PRDM11: variants seen among roughly 807,000 people sequenced by gnomAD.
The protein encoded by PRDM11 is PR domain-containing protein 11.
In PRDM11, 20 loss-of-function variants were observed where a neutral mutation model predicts 97.8. That is an observed-to-expected ratio of 0.20 (90% CI 0.14 to 0.30). PRDM11 has a LOEUF of 0.30. Ranked by LOEUF, PRDM11 falls within the 10% of genes least tolerant of loss-of-function variation. The pLI is 1.00. For synonymous variants in PRDM11, 599 were observed against 637.7 expected (o/e 0.94, Z 0.91); for missense variants, 1,139 against 1,555.2 (o/e 0.73, Z 4.50).
At chr11:45,217,852 C>T (rs892637108) in intron 5 of PRDM11, among the ~76,000 whole-genome samples, 2 of 152,132 alleles carry the variant, frequency 1.3e-5, no homozygotes, top group Non-Finnish European at 2.9e-5. Context: ...GAGTGAGGTG[C>T]GTGACAGTAA....
At chr11:45,209,986 C>T (rs765689480) in intron 5 of PRDM11, among the ~76,000 whole-genome samples, 1 of 152,034 alleles carries the variant, frequency 6.6e-6, no homozygotes, top group Non-Finnish European at 1.5e-5. Context: ...ACAGCATGTA[C>T]GAGGCCCCGC....
rs1022680871 is a variant in PRDM11 at position 45,227,102 on chromosome 11, G to A, written c.2477G>A (p.Arg826Gln). 21 of 1,533,820 alleles carry A rather than the reference G, an allele frequency of 1.4e-5. No homozygotes were observed. Among genetic ancestry groups the A allele is most frequent in the Admixed American group, 2.0e-5 (1 of 50,974 alleles). The change falls in exon 8 of 8, where the codon CGG becomes CAG. Residue 826 changes from arginine (R) to glutamine (Q), a missense_variant. This residue lies in a region of PRDM11 where 710 missense variants were observed against 1,044.9 expected (regional missense o/e 0.68). Coordinates refer to ENST00000683152, the MANE Select transcript of PRDM11 (RefSeq NM_001384648.1). This position sits in a 1 kb window ranked among gnomAD's most constrained non-coding sequence, Gnocchi z 8.0. ...TTCCTGGGCGATATCCGGGCAGTGC[G>A]GTGGATCATCGGCGAGCAGAACGTC... ...TEFLGDIRAV[R>Q]WIIGEQNVLN...
chr11:45,171,547 G>C (rs1296884396), intron 1 of PRDM11, among the ~76,000 whole-genome samples: 1 of 152,212 alleles, frequency 6.6e-6, no homozygotes, highest in Non-Finnish European at 1.5e-5. Flanking sequence ...GGTGGCTGGT[G>C]ATGAGATGCT....
intron 4 of PRDM11, among the ~76,000 whole-genome samples, chr11:45,188,638 T>C (rs1207521955): frequency 6.6e-6 from 1 of 152,162 alleles, no homozygotes; most frequent in African/African-American, 2.4e-5. Flanking sequence ...ACTCCACAAC[T>C]CTCCTTCGTG....
chr11:45,138,074 C>T (rs1852910778), intron 1 of PRDM11, among the ~76,000 whole-genome samples: 1 of 152,216 alleles, frequency 6.6e-6, no homozygotes, highest in Admixed American at 6.5e-5. Context: ...ATCCCAACCA[C>T]CTGGGTGTAC....
chr11:45,149,070 CAAATG>C (rs1422697769), intron 1 of PRDM11, among the ~76,000 whole-genome samples: 1 of 152,154 alleles, frequency 6.6e-6, no homozygotes. Context: ...TTTATCCTCT[CAAATG>C]AACCCATCCA....
chr11:45,097,917 G>A (rs190947551), intron 1 of PRDM11, among the ~76,000 whole-genome samples: 2 of 152,358 alleles, frequency 1.3e-5, no homozygotes, highest in East Asian at 3.9e-4. Context: ...GAGCTGCACA[G>A]GCACCGTCAC....
chr11:45,200,604 T>C (rs1853293545), intron 4 of PRDM11, among the ~76,000 whole-genome samples: 1 of 152,206 alleles, frequency 6.6e-6, no homozygotes. Context: ...GTGCTCCTAC[T>C]ACTGGCTGTA....
chr11:45,137,300 G>C (rs560529942), intron 1 of PRDM11, among the ~76,000 whole-genome samples: 1 of 151,614 alleles, frequency 6.6e-6, no homozygotes, highest in Non-Finnish European at 1.5e-5. Flanking sequence ...AGGCTTGGTG[G>C]CACACGCCTG....
rs1257310031 is a variant in PRDM11, at chr11:45,234,603, C to T, written c.*6444C>T. ...GGATGGGCATCCCCAGGTAGCAATC[C>T]CACAATGCACTGTACCTCAGAGAGA... On this transcript the variant is annotated 3_prime_UTR_variant, in exon 8 of 8. Coordinates refer to ENST00000683152, the MANE Select transcript of PRDM11 (RefSeq NM_001384648.1). 6.6e-6 allele frequency: 1 copy of T among 152,268 alleles called. No homozygotes were observed. The highest frequency in any genetic ancestry group is 1.5e-5 in the Non-Finnish European group (1 of 68,160). 9.4% of individuals were successfully genotyped at this position (152,268 alleles called of 1,614,324 possible).
intron 1 of PRDM11, among the ~76,000 whole-genome samples, chr11:45,168,096 G>A (rs931448087): frequency 2.0e-5 from 3 of 152,168 alleles, no homozygotes; most frequent in African/African-American, 7.2e-5. Flanking sequence ...CTGTTGAGGT[G>A]TCTTTAATTC....
intron 1 of PRDM11, among the ~76,000 whole-genome samples, chr11:45,126,971 C>T (rs531655824): frequency 1.1e-4 from 17 of 152,354 alleles, no homozygotes; most frequent in South Asian, 2.1e-4. Context: ...CTTTCAGGTA[C>T]GCCAATCAGA....
intron 5 of PRDM11, among the ~76,000 whole-genome samples, chr11:45,206,265 T>C (rs1342683801): frequency 6.6e-6 from 1 of 151,490 alleles, no homozygotes; most frequent in African/African-American, 2.4e-5. Flanking sequence ...GACTTTCCAG[T>C]GTAGTTTTTG....
intron 4 of PRDM11, among the ~76,000 whole-genome samples, chr11:45,193,341 C>T (rs1303770595): frequency 6.6e-6 from 1 of 152,104 alleles, no homozygotes; most frequent in Admixed American, 6.6e-5. Context: ...TTTGTTGGCT[C>T]ATAGCAAGTA....
intron 4 of PRDM11, among the ~76,000 whole-genome samples, chr11:45,202,336 A>G (rs1467748994): frequency 6.6e-6 from 1 of 152,210 alleles, no homozygotes; most frequent in African/African-American, 2.4e-5. Context: ...CACTGCAATT[A>G]GGGCTCTTAA....
At chr11:45,187,799 C>CGTGTGTGTGTGTGT (rs61613469) in intron 4 of PRDM11, among the ~76,000 whole-genome samples, 7 of 147,090 alleles carry the variant, frequency 4.8e-5, no homozygotes, top group African/African-American at 1.8e-4. Context: ...AAGAAAAGTT[C>CGTGTGTGTGTGTGT]GTGTGTGTGT....
Position 45,181,771 on chromosome 11 carries a change from C to A in PRDM11, c.5C>A (p.Thr2Asn). 6.2e-7 allele frequency: 1 copy of A among 1,613,088 alleles called. No individual in the cohort carries two copies. The highest frequency in any genetic ancestry group is 8.5e-7 in the Non-Finnish European group (1 of 1,179,754). ...CCTCCTGCGTCCCAGGACAGAATGA[C>A]CGAGAACATGAAGGAGTGCTTGGCC... MTENMKECLAQT... is the reference protein window; with the variant it reads MNENMKECLAQT... The change falls in exon 2 of 8, where the codon ACC becomes AAC. Residue 2 changes from threonine (T) to asparagine (N), a missense_variant. Transcript: ENST00000683152.
intron 1 of PRDM11, among the ~76,000 whole-genome samples, chr11:45,139,482 G>A (rs12279633): frequency 0.013 from 1,873 of 145,716 alleles, 32 homozygotes; most frequent in African/African-American, 0.045. Context: ...CAGGAGAATC[G>A]TTTGAACCCA....
rs1037029629 is a variant in PRDM11 at position 45,219,191 on chromosome 11, G to A, written c.555-379G>A. Among the ~76,000 whole-genome samples the A allele has an allele frequency of 1.3e-5, 2 of 152,206 alleles. No individual in the cohort carries two copies. Among genetic ancestry groups the A allele is most frequent in the Non-Finnish European group, 2.9e-5 (2 of 68,050 alleles). ...CACCTTCAGAGGCCTGTGGGTATCT[G>A]GGAACCCCAGTGGTTAAAAGTTAGT... is the stretch of plus-strand genomic sequence containing the variant. On this transcript the variant is annotated intron_variant, in intron 5 of 7. Coordinates refer to ENST00000683152, the MANE Select transcript of PRDM11 (RefSeq NM_001384648.1). The surrounding 1 kb of genome is among the most constrained non-coding windows in gnomAD (Gnocchi z 4.2).
Sources: gnomAD v4.1 joint callset for allele counts (sites outside exome capture counted in the v4.1 genomes callset) on GRCh38, gnomAD v4.1.1 for gene constraint, gnomAD v4.1.1 regional missense constraint, Gnocchi (gnomAD v3.1) non-coding constraint, MANE v1.5 for transcripts, NCBI Gene and HGNC (gene_info 2026-07-23, HGNC 2026-07-21) for gene names.